ZNF292: variants seen among roughly 807,000 people sequenced by gnomAD.
The protein encoded by ZNF292 is zinc finger protein 292.
ZNF292 carries 26 observed loss-of-function variants against 217.9 expected under a neutral mutation model. The ratio of observed to expected loss-of-function variants is 0.12; its 90% confidence interval spans 0.09 to 0.17. ZNF292 has a LOEUF of 0.17. Among genes scored for constraint, ZNF292 ranks in the 10% least tolerant of loss-of-function variants. The probability of loss-of-function intolerance (pLI) is 1.00; values close to 1 mark genes in which losing one functional copy is unlikely to be tolerated. For synonymous variants in ZNF292, 1,257 were observed against 1,124.1 expected (o/e 1.12, Z -2.37); for missense variants, 2,904 against 3,175.2 (o/e 0.91, Z 2.05).
chr6:87,218,813 C>T, intron 4 of ZNF292, 82 bp downstream of exon 4: 1 of 1,399,072 alleles, frequency 7.1e-7, no homozygotes. Context: ...TATAATTTAT[C>T]TCAAGATATT....
At chr6:87,209,354 T>C (rs1292718784) in intron 1 of ZNF292, among the ~76,000 whole-genome samples, 1 of 152,222 alleles carries the variant, frequency 6.6e-6, no homozygotes, top group African/African-American at 2.4e-5. Context: ...AAAAAATTAC[T>C]GTAGTTTCAG....
chr6:87,170,549 C>T (rs879529768), intron 1 of ZNF292, among the ~76,000 whole-genome samples: 2 of 152,136 alleles, frequency 1.3e-5, no homozygotes, highest in Non-Finnish European at 2.9e-5. Flanking sequence ...GAAAAGATTA[C>T]CTGATACTGC....
intron 7 of ZNF292, among the ~76,000 whole-genome samples, chr6:87,248,558 C>T (rs1348459801): frequency 6.6e-6 from 1 of 152,146 alleles, no homozygotes; most frequent in Non-Finnish European, 1.5e-5. Context: ...GCCTGGGCAA[C>T]ACAGCAAGAC....
chr6:87,263,919 GC>G lies in ZNF292; in HGVS notation c.*2119del, dbSNP rs1269021076. The G allele has an allele frequency of 1.3e-5, 2 of 152,056 alleles. No individual in the cohort carries two copies. Among genetic ancestry groups the G allele is most frequent in the East Asian group, 3.8e-4 (2 of 5,200 alleles). 9.4% of individuals were successfully genotyped at this position (152,056 alleles called of 1,614,324 possible). A position where few individuals can be genotyped will look rare whatever the true frequency, so the allele number is the denominator to read the frequency against. On this transcript the variant is annotated 3_prime_UTR_variant, in exon 8 of 8. Coordinates refer to ENST00000369577, the MANE Select transcript of ZNF292 (RefSeq NM_015021.3). ...TAAGTGAAAATGCCAATGTATTGGG[GC>G]TTTTCTTTTGCTCATTAGCTTAAGA...
intron 1 of ZNF292, 51 bp downstream of exon 1, chr6:87,155,810 A>G: frequency 6.7e-7 from 1 of 1,497,540 alleles, no homozygotes; most frequent in Non-Finnish European, 8.9e-7. Context: ...GAGGGGGAAG[A>G]GGGCGAGCGA....
rs1185178276 is a variant in ZNF292, at chr6:87,186,757, G to C, written c.169-29146G>C. Among the ~76,000 whole-genome samples the C allele has an allele frequency of 2.0e-5, 3 of 152,290 alleles. No homozygotes were observed. The East Asian group carries it at 5.8e-4, about 29-fold the overall frequency. On this transcript the variant is annotated intron_variant, in intron 1 of 7. Transcript: ENST00000369577. ...AGACCTGGTCTCAAAAAACAGGCAG[G>C]GAAGTACAGGTGATTCGGAGGAAGG...
intron 1 of ZNF292, among the ~76,000 whole-genome samples, chr6:87,178,259 A>AAG (rs1771365111): frequency 6.6e-6 from 1 of 152,164 alleles, no homozygotes; most frequent in African/African-American, 2.4e-5. Flanking sequence ...TGTTCTTAAA[A>AAG]AGAGGGAACA....
intron 1 of ZNF292, among the ~76,000 whole-genome samples, chr6:87,175,105 T>C (rs1168892320): frequency 6.6e-6 from 1 of 152,194 alleles, no homozygotes; most frequent in Admixed American, 6.5e-5. Context: ...TTTTAGCCTA[T>C]GGACGAGTAC....
At chr6:87,192,110 A>G (rs1012799430) in intron 1 of ZNF292, among the ~76,000 whole-genome samples, 6 of 152,242 alleles carry the variant, frequency 3.9e-5, no homozygotes, top group Non-Finnish European at 8.8e-5. Flanking sequence ...AAAAACATTT[A>G]TAATGTCTTT....
intron 4 of ZNF292, among the ~76,000 whole-genome samples, chr6:87,219,884 G>A (rs1772991417): frequency 6.6e-6 from 1 of 152,190 alleles, no homozygotes; most frequent in Non-Finnish European, 1.5e-5. Flanking sequence ...CTAGAGTGCG[G>A]TGGTGCGATC....
intron 1 of ZNF292, among the ~76,000 whole-genome samples, chr6:87,162,959 A>G (rs1266646235): frequency 1.3e-5 from 2 of 152,226 alleles, no homozygotes; most frequent in Non-Finnish European, 2.9e-5. Context: ...GTTTGTCAGC[A>G]TACATACACT....
At chr6:87,207,337 A>G (rs1251578438) in intron 1 of ZNF292, among the ~76,000 whole-genome samples, 6 of 152,180 alleles carry the variant, frequency 3.9e-5, no homozygotes. Flanking sequence ...GCTGCATCCT[A>G]CGAATTTTGA....
chr6:87,218,481 T>G, intron 3 of ZNF292, 115 bp from the exon 4 acceptor site: 1 of 721,384 alleles, frequency 1.4e-6, no homozygotes, highest in East Asian at 3.0e-5. Context: ...TGTAATGTGA[T>G]GTGAAATTTT....
chr6:87,227,319 C>T (rs58021355), intron 4 of ZNF292, among the ~76,000 whole-genome samples: 1,592 of 152,232 alleles, frequency 0.01, 29 homozygotes, highest in African/African-American at 0.035. Flanking sequence ...TTAAATTAGA[C>T]TCTCTGGGCA....
At chr6:87,224,515 CT>C (rs1255722790) in intron 4 of ZNF292, among the ~76,000 whole-genome samples, 2 of 151,784 alleles carry the variant, frequency 1.3e-5, no homozygotes, top group African/African-American at 2.4e-5. Context: ...CTGACAACTA[CT>C]TATCTATCTG....
At position 87,159,568 on chromosome 6, in the gene ZNF292, T is replaced by C. The variant is rs114738082; in HGVS notation, c.168+3809T>C. On this transcript the variant is annotated intron_variant, in intron 1 of 7. Transcript: ENST00000369577. ...CCCAGGCTGGTGTGCAATGGCGCAATCTGGGCTCACCACAACCTCCGCCTC... is the reference window on the plus strand; with the variant it reads ...CCCAGGCTGGTGTGCAATGGCGCAACCTGGGCTCACCACAACCTCCGCCTC... 5.9e-3 allele frequency among the ~76,000 whole-genome samples: 891 copies of C among 150,322 alleles called. 4 individuals carry two copies. The highest frequency in any genetic ancestry group is 0.021 in the African/African-American group (849 of 40,850).
At chr6:87,214,204 T>C (rs991852249) in intron 1 of ZNF292, among the ~76,000 whole-genome samples, 2 of 152,162 alleles carry the variant, frequency 1.3e-5, no homozygotes, top group African/African-American at 4.8e-5. Context: ...TGTAGGCAGC[T>C]TCATCTCATG....
At chr6:87,242,066 C>T (rs3846773) in intron 5 of ZNF292, among the ~76,000 whole-genome samples, 82,004 of 151,966 alleles carry the variant, frequency 0.54, 22,584 homozygotes, top group African/African-American at 0.63. Flanking sequence ...GGGAAAGTTA[C>T]GATTAATAAT....
chr6:87,228,478 T>C (rs1340962482), intron 4 of ZNF292, among the ~76,000 whole-genome samples: 2 of 152,216 alleles, frequency 1.3e-5, no homozygotes, highest in Non-Finnish European at 2.9e-5. Flanking sequence ...ATGACACATT[T>C]GGTGTCATAG....
Sources: allele counts gnomAD v4.1 joint callset (sites outside exome capture counted in the v4.1 genomes callset), GRCh38; gene constraint gnomAD v4.1.1; transcripts MANE v1.5; gene names NCBI Gene and HGNC (gene_info 2026-07-23, HGNC 2026-07-21).